MYRIP: variants seen among roughly 807,000 people sequenced by gnomAD.
MYRIP encodes the protein myosin VIIA and Rab interacting protein.
MYRIP carries 49 observed loss-of-function variants against 98.0 expected under a neutral mutation model. The observed-to-expected ratio is 0.50, with a 90% CI of 0.40 to 0.63. The LOEUF (loss-of-function observed/expected upper bound fraction) is 0.63. Among genes scored for constraint, MYRIP ranks in the 30% least tolerant of loss-of-function variants. The pLI, the probability that MYRIP is intolerant of heterozygous loss-of-function variation, is 0.00. For synonymous variants in MYRIP, 404 were observed against 409.5 expected, an observed-to-expected ratio of 0.99 and a Z score of 0.16; for missense variants, 1,004 against 1,058.2, an observed-to-expected ratio of 0.95 and a Z score of 0.71.
intron 3 of MYRIP, among the ~76,000 whole-genome samples, chr3:40,118,558 G>GGTTT (rs1393017744): frequency 1.4e-5 from 2 of 139,766 alleles, no homozygotes; most frequent in Non-Finnish European, 3.2e-5. Flanking sequence ...CTGGGTTGAA[G>GGTTT]GTTTATTTAT....
intron 2 of MYRIP, among the ~76,000 whole-genome samples, chr3:40,026,661 T>A (rs906842003): frequency 3.3e-5 from 5 of 152,178 alleles, no homozygotes; most frequent in African/African-American, 1.2e-4. Context: ...CAATGAGGGA[T>A]CTGCTTCCTC....
intron 3 of MYRIP, among the ~76,000 whole-genome samples, chr3:40,119,565 C>T (rs1017031268): frequency 5.5e-5 from 6 of 108,228 alleles, no homozygotes; most frequent in African/African-American, 1.5e-4. Context: ...TTTTAAATCC[C>T]GTGGCATATC....
chr3:39,982,950 AC>A (rs1297126927), intron 2 of MYRIP, among the ~76,000 whole-genome samples: 2 of 152,086 alleles, frequency 1.3e-5, no homozygotes, highest in Admixed American at 1.3e-4. Flanking sequence ...ATTACTTTTG[AC>A]CTATCATAGA....
chr3:39,886,305 A>T (rs1215220322), intron 1 of MYRIP, among the ~76,000 whole-genome samples: 1 of 151,892 alleles, frequency 6.6e-6, no homozygotes, highest in African/African-American at 2.4e-5. Flanking sequence ...ACCAGCTAAC[A>T]TCATAATGAC....
At chr3:39,913,849 G>T (rs1405412170) in intron 2 of MYRIP, among the ~76,000 whole-genome samples, 1 of 152,186 alleles carries the variant, frequency 6.6e-6, no homozygotes, top group Non-Finnish European at 1.5e-5. Flanking sequence ...AAATAGTGAT[G>T]GGCTTTCCCA....
intron 1 of MYRIP, among the ~76,000 whole-genome samples, chr3:39,840,397 C>T (rs181783494): frequency 3.3e-4 from 51 of 152,300 alleles, no homozygotes; most frequent in Middle Eastern, 3.4e-3. Flanking sequence ...CTGAATACAG[C>T]ACACTGATGG....
At chr3:40,059,715 T>A (rs889749682) in intron 3 of MYRIP, among the ~76,000 whole-genome samples, 5 of 152,180 alleles carry the variant, frequency 3.3e-5, no homozygotes, top group Non-Finnish European at 5.9e-5. Flanking sequence ...TTTTCTTTTG[T>A]TTTTTCTTGG....
chr3:39,857,384 A>G (rs1002527779), intron 1 of MYRIP, among the ~76,000 whole-genome samples: 2 of 152,220 alleles, frequency 1.3e-5, no homozygotes, highest in African/African-American at 4.8e-5. Flanking sequence ...AAAACAATAC[A>G]TGAACAAAAT....
At chr3:39,889,634 C>G (rs928731949) in intron 1 of MYRIP, among the ~76,000 whole-genome samples, 1 of 152,126 alleles carries the variant, frequency 6.6e-6, no homozygotes, top group African/African-American at 2.4e-5. Context: ...ACATATGTAA[C>G]TAACCTGCGC....
chr3:40,236,669 T>A (rs890615972), intron 12 of MYRIP, among the ~76,000 whole-genome samples: 11 of 152,212 alleles, frequency 7.2e-5, no homozygotes, highest in Non-Finnish European at 1.6e-4. Context: ...AGGGTGACAC[T>A]GAGAAATTTG....
At chr3:40,222,044 GT>G (rs1303485609) in intron 11 of MYRIP, among the ~76,000 whole-genome samples, 1 of 152,102 alleles carries the variant, frequency 6.6e-6, no homozygotes, top group African/African-American at 2.4e-5. Context: ...AGGGTTCTTG[GT>G]TTTGCCCAGG....
chr3:40,139,700 C>T (rs1475092124), intron 3 of MYRIP, among the ~76,000 whole-genome samples: 1 of 152,176 alleles, frequency 6.6e-6, no homozygotes, highest in African/African-American at 2.4e-5. Context: ...CTGCTTCAGC[C>T]TCCCAAGTAG....
At position 40,190,363 on chromosome 3, in the gene MYRIP, G is replaced by T. The variant is rs753608593; in HGVS notation, c.1565G>T (p.Arg522Leu). The change falls in exon 10 of 17, where the codon CGG becomes CTG. Residue 522 changes from arginine (R) to leucine (L), a missense_variant. Around this residue, in one of 3 missense-constraint regions of MYRIP, gnomAD observed 880 missense variants for 907.7 expected, o/e 0.97. Coordinates refer to ENST00000302541, the MANE Select transcript of MYRIP (RefSeq NM_015460.4). ...EPEEAPHTTDRRARRWRRARL... is the reference protein window; with the variant it reads ...EPEEAPHTTDLRARRWRRARL... ...GAGGAGGCCCCCCACACCACAGACC[G>T]GCGGGCCAGGAGGTGGAGAAGAGCC... 6.2e-6 allele frequency: 10 copies of T among 1,613,698 alleles called. No homozygotes were observed. Among genetic ancestry groups the T allele is most frequent in the Non-Finnish European group, 8.5e-6 (10 of 1,179,900 alleles).
chr3:40,062,208 C>T (rs1382523831), intron 3 of MYRIP, among the ~76,000 whole-genome samples: 1 of 152,124 alleles, frequency 6.6e-6, no homozygotes, highest in African/African-American at 2.4e-5. Flanking sequence ...AGGTTGTCTT[C>T]CAGGGTTTTT....
chr3:40,153,026 G>A (rs1318650691), intron 4 of MYRIP, among the ~76,000 whole-genome samples: 2 of 151,918 alleles, frequency 1.3e-5, no homozygotes, highest in Non-Finnish European at 2.9e-5. Context: ...GACTGAGGTG[G>A]GAAGATCACT....
At chr3:39,974,321 G>C (rs937485137) in intron 2 of MYRIP, among the ~76,000 whole-genome samples, 8 of 152,114 alleles carry the variant, frequency 5.3e-5, no homozygotes, top group African/African-American at 1.7e-4. Flanking sequence ...TAAATTCCTG[G>C]ACACATACAC....
At chr3:39,916,980 C>T (rs1267439583) in intron 2 of MYRIP, among the ~76,000 whole-genome samples, 5 of 151,862 alleles carry the variant, frequency 3.3e-5, no homozygotes, top group Non-Finnish European at 7.4e-5. Flanking sequence ...AAATTAATGG[C>T]TGATATAAAA....
At chr3:39,934,367 C>T (rs1056144042) in intron 2 of MYRIP, among the ~76,000 whole-genome samples, 1 of 151,884 alleles carries the variant, frequency 6.6e-6, no homozygotes, top group Non-Finnish European at 1.5e-5. Flanking sequence ...TAGTGAGGAC[C>T]CAAGATCACA....
At chr3:39,996,428 G>C (rs901952554) in intron 2 of MYRIP, among the ~76,000 whole-genome samples, 7 of 152,160 alleles carry the variant, frequency 4.6e-5, no homozygotes, top group African/African-American at 1.7e-4. Context: ...GATCAAAGGA[G>C]ACAAAGAAGG....
Sources: gnomAD v4.1 joint callset for allele counts (sites outside exome capture counted in the v4.1 genomes callset) on GRCh38, gnomAD v4.1.1 for gene constraint, gnomAD v4.1.1 regional missense constraint, MANE v1.5 for transcripts, NCBI Gene and HGNC (gene_info 2026-07-23, HGNC 2026-07-21) for gene names.